MTREX: variants seen among roughly 807,000 people sequenced by gnomAD.
The protein encoded by MTREX is Mtr4 exosome RNA helicase.
A neutral mutation model predicts 135.4 loss-of-function variants in MTREX; 76 were observed. That is an observed-to-expected ratio of 0.56 (90% CI 0.47 to 0.68). MTREX has a LOEUF of 0.68. MTREX is among the 30% of genes least tolerant of loss of function. MTREX has a pLI of 0.00. For missense variants in MTREX, 920 were observed against 1,262.1 expected (o/e 0.73, Z 4.11); for synonymous variants, 404 against 401.6 (o/e 1.01, Z -0.07).
At position 55,414,351 on chromosome 5, in the gene MTREX, A is replaced by G. The variant is rs549173734; in HGVS notation, c.2808+113A>G. 3 of 847,520 alleles carry G rather than the reference A, an allele frequency of 3.5e-6. No homozygotes were observed. In the Admixed American group the frequency reaches 1.0e-4, roughly 30 times the overall value. 52.5% of individuals were successfully genotyped at this position (847,520 alleles called of 1,614,324 possible). ...GTTTATCATTTCACAGAGATAACCT[A>G]TAAGGATTAAATGTTACTTGATGTC... On this transcript the variant is annotated intron_variant, in intron 24 of 26. Transcript: ENST00000230640.
chr5:55,405,658 T>C, intron 22 of MTREX, 70 bp downstream of exon 22: 1 of 1,398,554 alleles, frequency 7.2e-7, no homozygotes, highest in Non-Finnish European at 9.7e-7. Flanking sequence ...TTGTTTATTT[T>C]TTTTGAGATG....
intron 5 of MTREX, among the ~76,000 whole-genome samples, chr5:55,333,269 CATT>C (rs1238990577): frequency 6.6e-6 from 1 of 152,162 alleles, no homozygotes; most frequent in Admixed American, 6.6e-5. Flanking sequence ...GCCTTAAACA[CATT>C]ATGGTTCTCT....
chr5:55,341,913 C>T, intron 7 of MTREX, 142 bp downstream of exon 7: 1 of 505,744 alleles, frequency 2.0e-6, no homozygotes, highest in South Asian at 3.3e-5. Context: ...TTTTTATTTA[C>T]CTATTTATTT....
chr5:55,417,900 T>A (rs965423588), intron 25 of MTREX, among the ~76,000 whole-genome samples: 14 of 151,958 alleles, frequency 9.2e-5, no homozygotes, highest in African/African-American at 3.4e-4. Context: ...AGCTTTTTTT[T>A]ATTTTTTTAT....
intron 18 of MTREX, among the ~76,000 whole-genome samples, chr5:55,387,679 G>GAC (rs1368552739): frequency 2.0e-5 from 3 of 152,036 alleles, no homozygotes; most frequent in African/African-American, 7.2e-5. Context: ...TTAATTTTCT[G>GAC]ACACTGAAAA....
At chr5:55,393,026 A>G (rs963331968) in intron 19 of MTREX, among the ~76,000 whole-genome samples, 2 of 152,188 alleles carry the variant, frequency 1.3e-5, no homozygotes, top group Non-Finnish European at 2.9e-5. Context: ...TGACAATTCT[A>G]TGGAAATAGG....
At chr5:55,378,597 G>A in intron 17 of MTREX, 111 bp downstream of exon 17, 1 of 1,202,832 alleles carries the variant, frequency 8.3e-7, no homozygotes, top group African/African-American at 1.6e-5. Context: ...TGCTACAATA[G>A]TTGATCTATA....
chr5:55,323,763 T>A (rs1427095624), intron 2 of MTREX, among the ~76,000 whole-genome samples: 1 of 152,186 alleles, frequency 6.6e-6, no homozygotes, highest in Non-Finnish European at 1.5e-5. Flanking sequence ...ATTGGGCTAG[T>A]TTACTTTATA....
chr5:55,326,292 C>A (rs1231015911), intron 3 of MTREX, among the ~76,000 whole-genome samples: 1 of 152,072 alleles, frequency 6.6e-6, no homozygotes, highest in East Asian at 1.9e-4. Context: ...CCCAGCTACT[C>A]AGGAGGCTGA....
chr5:55,406,620 T>G (rs528887179), intron 22 of MTREX, among the ~76,000 whole-genome samples: 1 of 152,282 alleles, frequency 6.6e-6, no homozygotes, highest in Admixed American at 6.5e-5. Context: ...TTCCAACTCT[T>G]GATGGGGAAG....
intron 5 of MTREX, among the ~76,000 whole-genome samples, chr5:55,338,745 G>T (rs1379831990): frequency 7.0e-6 from 1 of 142,418 alleles, no homozygotes; most frequent in Non-Finnish European, 1.5e-5. Context: ...CCCATCTAGA[G>T]AATTTTTTCT....
At chr5:55,353,306 T>A in intron 14 of MTREX, 37 bp downstream of exon 14, 3 of 1,395,394 alleles carry the variant, frequency 2.1e-6, no homozygotes, top group Non-Finnish European at 3.0e-6. Flanking sequence ...ATAATTTTTG[T>A]CTTTGTTATA....
At chr5:55,390,406 G>A (rs1398700037) in intron 19 of MTREX, among the ~76,000 whole-genome samples, 1 of 152,046 alleles carries the variant, frequency 6.6e-6, no homozygotes, top group Admixed American at 6.6e-5. Context: ...TGGCCTTGAA[G>A]ACTACTTTCT....
intron 22 of MTREX, among the ~76,000 whole-genome samples, chr5:55,406,547 C>A (rs765604051): frequency 4.6e-5 from 7 of 152,106 alleles, no homozygotes; most frequent in African/African-American, 7.2e-5. Context: ...ATCATTTCCA[C>A]CACATTCTCT....
intron 1 of MTREX, among the ~76,000 whole-genome samples, chr5:55,312,474 A>C (rs1369662379): frequency 6.6e-6 from 1 of 152,124 alleles, no homozygotes; most frequent in African/African-American, 2.4e-5. Context: ...CAATCAAGAT[A>C]AACATTTCCA....
chr5:55,328,787 C>A lies in MTREX; in HGVS notation c.491C>A (p.Ser164Ter). ...NQSVLVSAHT[S>*]AGKTVCAEYA... ...TCTGTTCTAGTATCTGCACATACCT[C>A]AGCGGGAAAAACAGTATGCGCCGAG... The change falls in exon 5 of 27, where the codon TCA becomes TAA. Residue 164 changes from serine to a stop codon, truncating the protein, a stop_gained. Transcript: ENST00000230640. LOFTEE classifies it high-confidence loss of function. 6.2e-7 allele frequency: 1 copy of A among 1,609,172 alleles called. No homozygotes were observed. The highest frequency in any genetic ancestry group is 8.5e-7 in the Non-Finnish European group (1 of 1,176,440).
At chr5:55,389,589 A>G (rs1189802716) in intron 19 of MTREX, among the ~76,000 whole-genome samples, 1 of 152,210 alleles carries the variant, frequency 6.6e-6, no homozygotes, top group Non-Finnish European at 1.5e-5. Flanking sequence ...AAAACTGCTC[A>G]GGGTGGGTAA....
intron 24 of MTREX, among the ~76,000 whole-genome samples, chr5:55,414,588 T>C (rs900499155): frequency 6.6e-6 from 1 of 152,142 alleles, no homozygotes; most frequent in Admixed American, 6.5e-5. Flanking sequence ...AGGACTAGGA[T>C]TTAGTTTATT....
At chr5:55,363,544 T>C (rs1561198044) in intron 15 of MTREX, among the ~76,000 whole-genome samples, 1 of 152,212 alleles carries the variant, frequency 6.6e-6, no homozygotes, top group East Asian at 1.9e-4. Context: ...TTTTAGGTGA[T>C]CCTCTTATTA....
Sources: gnomAD v4.1 joint callset for allele counts (sites outside exome capture counted in the v4.1 genomes callset) on GRCh38, gnomAD v4.1.1 for gene constraint, MANE v1.5 for transcripts, NCBI Gene and HGNC (gene_info 2026-07-23, HGNC 2026-07-21) for gene names.